KLF8: variants seen among roughly 807,000 people sequenced by gnomAD.
KLF8 encodes KLF transcription factor 8.
A neutral mutation model predicts 18.2 loss-of-function variants in KLF8; 10 were observed. That is an observed-to-expected ratio of 0.55 (90% confidence interval 0.34 to 0.93). The LOEUF is 0.93. Among genes scored for constraint, KLF8 ranks in the 40% least tolerant of loss-of-function variants. The probability of loss-of-function intolerance (pLI) is 0.02; values close to 1 mark genes in which losing one functional copy is unlikely to be tolerated. For missense variants in KLF8, 264 were observed against 277.9 expected, an observed-to-expected ratio of 0.95 and a Z score of 0.36; for synonymous variants, 109 against 97.3, an observed-to-expected ratio of 1.12 and a Z score of -0.71.
At chrX:55,939,956 A>G in the KLF8 span, among the ~76,000 whole-genome samples, 3 of 112,068 alleles carry the variant, frequency 2.7e-5, no homozygotes, top group Non-Finnish European at 5.6e-5. Context: ...TACAAGGAGG[A>G]GCTAGTAACA....
chrX:56,268,114 C>T (rs959471561), intron 3 of KLF8: 2 of 111,410 alleles, frequency 1.8e-5, no homozygotes, highest in African/African-American at 6.5e-5. Context: ...CATCTATGCT[C>T]TCACAAATGG....
At chrX:56,180,099 CG>C in the KLF8 span, among the ~76,000 whole-genome samples, 1 of 111,418 alleles carries the variant, frequency 9.0e-6, no homozygotes, top group African/African-American at 3.3e-5. Flanking sequence ...TCGTAGAATT[CG>C]GCTGTGAATC....
chrX:56,036,279 C>T, the KLF8 span, among the ~76,000 whole-genome samples: 1 of 111,260 alleles, frequency 9.0e-6, no homozygotes, highest in Non-Finnish European at 1.9e-5. Context: ...AGCATTTTCT[C>T]TATATTTTCT....
chrX:56,113,650 G>C, the KLF8 span, among the ~76,000 whole-genome samples: 1 of 99,770 alleles, frequency 1.0e-5, no homozygotes, highest in Non-Finnish European at 2.0e-5. Context: ...ACACAAACAC[G>C]CACACACACT....
the KLF8 span, among the ~76,000 whole-genome samples, chrX:56,128,193 G>T: frequency 8.9e-6 from 1 of 112,190 alleles, no homozygotes; most frequent in Non-Finnish European, 1.9e-5. Flanking sequence ...AGAAACTTAG[G>T]ATAGAGTGAA....
the KLF8 span, among the ~76,000 whole-genome samples, chrX:56,159,828 CA>C: frequency 9.0e-6 from 1 of 111,128 alleles, no homozygotes; most frequent in Non-Finnish European, 1.9e-5. Context: ...TTGATCTTTT[CA>C]AAAAACAATC....
the KLF8 span, among the ~76,000 whole-genome samples, chrX:55,923,801 T>A: frequency 2.7e-5 from 3 of 109,643 alleles, no homozygotes; most frequent in Non-Finnish European, 5.7e-5. Flanking sequence ...TATCTGTACA[T>A]CATAGAACAT....
chrX:55,938,066 T>A, the KLF8 span, among the ~76,000 whole-genome samples: 1 of 110,824 alleles, frequency 9.0e-6, no homozygotes, highest in Admixed American at 9.6e-5. Flanking sequence ...CCAAGACACA[T>A]AATTGTCAGA....
chrX:56,062,029 G>A, the KLF8 span, among the ~76,000 whole-genome samples: 3 of 55,029 alleles, frequency 5.5e-5, no homozygotes, highest in African/African-American at 1.1e-4. Flanking sequence ...TTAATCTTCT[G>A]TCCTTTTATT....
the KLF8 span, among the ~76,000 whole-genome samples, chrX:56,173,837 A>T: frequency 4.5e-5 from 5 of 111,501 alleles, no homozygotes; most frequent in Non-Finnish European, 9.4e-5. Context: ...TTGGATTCCT[A>T]GGTATTTTAT....
chrX:56,082,287 A>T, the KLF8 span, among the ~76,000 whole-genome samples: 2 of 111,551 alleles, frequency 1.8e-5, no homozygotes, highest in Non-Finnish European at 3.8e-5. Context: ...TTGTTTCTGT[A>T]AAATTGCTAA....
chrX:55,996,434 A>G, the KLF8 span, among the ~76,000 whole-genome samples: 1 of 111,957 alleles, frequency 8.9e-6, no homozygotes, highest in Admixed American at 9.4e-5. Flanking sequence ...GTAAACAAAC[A>G]CTGTCTTTTT....
the KLF8 span, among the ~76,000 whole-genome samples, chrX:56,031,896 C>G: frequency 2.7e-5 from 3 of 111,412 alleles, no homozygotes; most frequent in African/African-American, 9.8e-5. Flanking sequence ...GGGCCGTGAT[C>G]GATCGAGCGA....
At chrX:56,002,103 T>C in the KLF8 span, among the ~76,000 whole-genome samples, 1 of 111,826 alleles carries the variant, frequency 8.9e-6, no homozygotes, top group Non-Finnish European at 1.9e-5. Flanking sequence ...CAATTATTCT[T>C]ACCCTCCAAC....
At chrX:56,045,893 G>A in the KLF8 span, among the ~76,000 whole-genome samples, 1 of 111,660 alleles carries the variant, frequency 9.0e-6, no homozygotes, top group African/African-American at 3.3e-5. Flanking sequence ...TTGAATAGAA[G>A]TGGTGAAAGC....
At chrX:55,913,570 G>A in the KLF8 span, among the ~76,000 whole-genome samples, 92 of 111,411 alleles carry the variant, frequency 8.3e-4, no homozygotes, top group South Asian at 1.5e-3. Flanking sequence ...GCAACCCAAG[G>A]AGAGGCCTAG....
the KLF8 span, among the ~76,000 whole-genome samples, chrX:56,035,276 C>T: frequency 6.7e-3 from 754 of 111,866 alleles, 29 homozygotes; most frequent in Admixed American, 0.064. Context: ...GTTCCATCCA[C>T]GTTGCTGAGA....
chrX:56,256,209 T>C (rs2066792961), intron 2 of KLF8, among the ~76,000 whole-genome samples: 1 of 111,920 alleles, frequency 8.9e-6, no homozygotes, highest in Admixed American at 9.5e-5. Context: ...TTTGAATTTC[T>C]GCAATATCAG....
At chrX:56,206,548 TCTC>T in the KLF8 span, among the ~76,000 whole-genome samples, 1 of 112,295 alleles carries the variant, frequency 8.9e-6, no homozygotes, top group East Asian at 2.8e-4. Context: ...TCCAAAATGA[TCTC>T]CTTTGATTCC....
Sources: gnomAD v4.1 joint callset for allele counts (sites outside exome capture counted in the v4.1 genomes callset) on GRCh38, gnomAD v4.1.1 for gene constraint, MANE v1.5 for transcripts, NCBI Gene and HGNC (gene_info 2026-07-23, HGNC 2026-07-21) for gene names.